PTPRN: variants seen among roughly 807,000 people sequenced by gnomAD.
PTPRN encodes receptor-type tyrosine-protein phosphatase-like N.
A neutral mutation model predicts 108.5 loss-of-function variants in PTPRN; 70 were observed. The observed-to-expected ratio is 0.65, with a 90% CI of 0.53 to 0.79. The LOEUF is 0.79. Among genes scored for constraint, PTPRN ranks in the 30% least tolerant of loss-of-function variants. The pLI, the probability that PTPRN is intolerant of heterozygous loss-of-function variation, is 0.00. For synonymous variants in PTPRN, 496 were observed against 524.6 expected, an observed-to-expected ratio of 0.95 and a Z score of 0.75; for missense variants, 1,136 against 1,295.5, an observed-to-expected ratio of 0.88 and a Z score of 1.89.
At position 219,290,329 on chromosome 2, in the gene PTPRN, A is replaced by G. The variant is rs779363801; in HGVS notation, c.2869-32T>C. On this transcript the variant is annotated intron_variant, in intron 22 of 22. Transcript: ENST00000295718. The surrounding 1 kb of genome is among the most constrained non-coding windows in gnomAD (Gnocchi z 4.2). ...AAGGGCAGTGGTAGGATGGTCATGG[A>G]GAGGGCTGACCTGTGCTCTGCCCTC... The G allele has an allele frequency of 6.3e-7, 1 of 1,593,160 alleles. No homozygotes were observed. Among genetic ancestry groups the G allele is most frequent in the Non-Finnish European group, 8.6e-7 (1 of 1,164,586 alleles).
chr2:219,289,941 A>C lies in PTPRN; in HGVS notation c.*285T>G, dbSNP rs1952015658. ...GAGCTACAGGAGAGCCAGGCCAGGG[A>C]ATGTAGGCAGGAGAAGGCTCTGGGT... On this transcript the variant is annotated 3_prime_UTR_variant, in exon 23 of 23. Transcript: ENST00000295718. 1 of 422,098 alleles carries C rather than the reference A, an allele frequency of 2.4e-6. No individual in the cohort carries two copies. Among genetic ancestry groups the C allele is most frequent in the Non-Finnish European group, 4.4e-6 (1 of 228,822 alleles). 26.1% of individuals were successfully genotyped at this position (422,098 alleles called of 1,614,324 possible).
rs949248524 is a variant in PTPRN, at chr2:219,290,026, T to C, written c.*200A>G. ...GCTGCAGCACCCCCATGGGATGCCC[T>C]GGGCTCTGGGATGCCCCAGGCTCTG... On this transcript the variant is annotated 3_prime_UTR_variant, in exon 23 of 23. Transcript: ENST00000295718. The surrounding 1 kb of genome is among the most constrained non-coding windows in gnomAD (Gnocchi z 4.2). 25 of 600,594 alleles carry C rather than the reference T, an allele frequency of 4.2e-5. No homozygotes were observed. Among genetic ancestry groups the C allele is most frequent in the African/African-American group, 9.3e-5 (5 of 53,746 alleles). The allele number at this position is 600,594 out of a possible 1,614,324, so 37.2% of individuals were successfully genotyped here.
rs1424323560 is a variant in PTPRN at position 219,301,643 on chromosome 2, G to A, written c.1071C>T (p.Leu357=). ...VELRQLTPEQ[L]STLLTLLQLL... is the part of the protein sequence containing the mutation. ...GCTGCAGCAGGGTCAGGAGTGTGGA[G>A]AGCTGCTCAGGGGTCAGCTGACGCA... The change falls in exon 7 of 23, where the codon CTC becomes CTT. Residue 357 remains leucine (L), a synonymous_variant. Coordinates refer to ENST00000295718, the MANE Select transcript of PTPRN (RefSeq NM_002846.4). The A allele has an allele frequency of 3.1e-6, 5 of 1,613,608 alleles. No homozygotes were observed. Among genetic ancestry groups the A allele is most frequent in the Non-Finnish European group, 4.2e-6 (5 of 1,179,542 alleles).
chr2:219,295,264 T>G (rs950745014), intron 18 of PTPRN, 123 bp from the exon 19 acceptor site: 2 of 1,091,504 alleles, frequency 1.8e-6, no homozygotes, highest in African/African-American at 3.3e-5. Flanking sequence ...CGGTTCAAAT[T>G]CTAAGTTCCA....
chr2:219,299,500 C>G, intron 10 of PTPRN, 116 bp from the exon 11 acceptor site: 1 of 1,287,872 alleles, frequency 7.8e-7, no homozygotes, highest in Non-Finnish European at 1.1e-6. Context: ...ATCGGGGATG[C>G]CCTACAGGGG....
intron 8 of PTPRN, among the ~76,000 whole-genome samples, chr2:219,300,677 C>T (rs1952323974): frequency 6.6e-6 from 1 of 152,186 alleles, no homozygotes. Context: ...CGAAACTTCC[C>T]TCCTCCCCTA....
At position 219,296,722 on chromosome 2, in the gene PTPRN, G is replaced by T. The variant is rs1186697698; in HGVS notation, c.2310+27C>A. Reference sequence around the variant, plus strand: ...GGGCCAGGATAATGATGGGGCAGAGGTGGGGGCTGGAGTCAGGGCCACTCA... The same window carrying T: ...GGGCCAGGATAATGATGGGGCAGAGTTGGGGGCTGGAGTCAGGGCCACTCA... On this transcript the variant is annotated intron_variant, in intron 16 of 22. Coordinates refer to ENST00000295718, the MANE Select transcript of PTPRN (RefSeq NM_002846.4). This position sits in a 1 kb window ranked among gnomAD's most constrained non-coding sequence, Gnocchi z 6.0. The T allele has an allele frequency of 1.9e-6, 3 of 1,612,294 alleles. No homozygotes were observed. The highest frequency in any genetic ancestry group is 2.5e-6 in the Non-Finnish European group (3 of 1,179,092).
intron 3 of PTPRN, among the ~76,000 whole-genome samples, chr2:219,304,580 T>C (rs1952436578): frequency 6.6e-6 from 1 of 152,214 alleles, no homozygotes; most frequent in African/African-American, 2.4e-5. Context: ...TCTCTAGTTC[T>C]GGATTTAAAA....
chr2:219,306,781 T>A (rs1490767533), intron 3 of PTPRN, among the ~76,000 whole-genome samples: 1 of 152,192 alleles, frequency 6.6e-6, no homozygotes, highest in Non-Finnish European at 1.5e-5. Context: ...TTCCCCTAGA[T>A]AATCTTCTGA....
intron 18 of PTPRN, chr2:219,295,690 C>T (rs1952175097): frequency 6.5e-6 from 1 of 154,988 alleles, no homozygotes. Context: ...CCCTCCTTCT[C>T]CACCCCTCCA....
Position 219,294,865 on chromosome 2 carries a change from T to C in PTPRN, c.2675+110A>G, listed in dbSNP as rs527661807. The C allele has an allele frequency of 3.4e-6, 4 of 1,162,092 alleles. No homozygotes were observed. In the South Asian group the frequency reaches 7.8e-5, roughly 23 times the overall value. The allele number at this position is 1,162,092 out of a possible 1,614,324, so 72.0% of individuals were successfully genotyped here. On this transcript the variant is annotated intron_variant, in intron 19 of 22. Coordinates refer to ENST00000295718, the MANE Select transcript of PTPRN (RefSeq NM_002846.4). ...GGGGTCTGGAGCGGGCGGCCAGAAG[T>C]CAGAGGCCGAGGCTCCAGGCCCGAC... is the stretch of plus-strand genomic sequence containing the variant.
chr2:219,303,792 G>A lies in PTPRN; in HGVS notation c.320C>T (p.Ser107Phe). 6.2e-7 allele frequency: 1 copy of A among 1,614,066 alleles called. No individual in the cohort carries two copies. Among genetic ancestry groups the A allele is most frequent in the East Asian group, 2.2e-5 (1 of 44,890 alleles). The change falls in exon 4 of 23, where the codon TCT becomes TTT. Residue 107 changes from serine to phenylalanine, a missense_variant. Physicochemically the swap from Ser to Phe is radical, Grantham distance 155. Coordinates refer to ENST00000295718, the MANE Select transcript of PTPRN (RefSeq NM_002846.4). ...WHDDLTQYVI[S>F]QEMERIPRLR... ...CCTGGGGATGCGCTCCATCTCCTGA[G>A]AGATCACATACTGGGTGAGGTCATC... is the stretch of plus-strand genomic sequence containing the variant.
chr2:219,296,637 G>T lies in PTPRN; in HGVS notation c.2310+112C>A. Reference sequence around the variant, plus strand: ...CAGTTCCCCCTTGCTAGGATATCAGGCCCCACCACTCCAGGGGGTTGGTGG... The same window carrying T: ...CAGTTCCCCCTTGCTAGGATATCAGTCCCCACCACTCCAGGGGGTTGGTGG... On this transcript the variant is annotated intron_variant, in intron 16 of 22. Transcript: ENST00000295718. The surrounding 1 kb of genome is among the most constrained non-coding windows in gnomAD (Gnocchi z 6.0). 1 of 1,549,968 alleles carries T rather than the reference G, an allele frequency of 6.5e-7. No homozygotes were observed. The highest frequency in any genetic ancestry group is 1.4e-5 in the African/African-American group (1 of 73,498).
intron 8 of PTPRN, 92 bp from the exon 9 acceptor site, chr2:219,300,351 CT>C: frequency 7.4e-7 from 1 of 1,353,146 alleles, no homozygotes; most frequent in Non-Finnish European, 9.9e-7. Flanking sequence ...AGCTCAGGAC[CT>C]GCTTTTCACT....
At chr2:219,295,297 C>A in intron 18 of PTPRN, 156 bp from the exon 19 acceptor site, 1 of 726,112 alleles carries the variant, frequency 1.4e-6, no homozygotes, top group South Asian at 1.9e-5. Flanking sequence ...ACCCTGGCTG[C>A]CTGTCACTTA....
Position 219,296,105 on chromosome 2 carries a change from G to A in PTPRN, c.2508+121C>T. 1 of 1,377,564 alleles carries A rather than the reference G, an allele frequency of 7.3e-7. No homozygotes were observed. Among genetic ancestry groups the A allele is most frequent in the Non-Finnish European group, 1.0e-6 (1 of 989,794 alleles). 85.3% of individuals were successfully genotyped at this position (1,377,564 alleles called of 1,614,324 possible). On this transcript the variant is annotated intron_variant, in intron 18 of 22. Transcript: ENST00000295718. The surrounding 1 kb of genome is among the most constrained non-coding windows in gnomAD (Gnocchi z 6.0). The stretch of plus-strand genomic sequence containing the variant: ...TCATATATGTATGAATCATGAGCAG[G>A]GCCAATAAAAGCCTTTTTAAAAAGA...
chr2:219,302,621 T>C lies in PTPRN; in HGVS notation c.594A>G (p.Ser198=), dbSNP rs1200957686. The change falls in exon 5 of 23, where the codon TCA becomes TCG. Residue 198 remains serine, a synonymous_variant. Coordinates refer to ENST00000295718, the MANE Select transcript of PTPRN (RefSeq NM_002846.4). ...LLLPPQPPHP[S]LSYEPALLQP... is the part of the protein sequence containing the mutation. ...GCAGCAAGGCAGGTTCGTAACTCAGTGAAGGGTGGGGAGGCTGTGGGGGCA... is the reference window on the plus strand; with the variant it reads ...GCAGCAAGGCAGGTTCGTAACTCAGCGAAGGGTGGGGAGGCTGTGGGGGCA... 5 of 1,613,364 alleles carry C rather than the reference T, an allele frequency of 3.1e-6. No individual in the cohort carries two copies. The highest frequency in any genetic ancestry group is 4.2e-6 in the Non-Finnish European group (5 of 1,179,814).
intron 19 of PTPRN, among the ~76,000 whole-genome samples, chr2:219,294,494 G>GACGGAGAGGGATGAAGGAGGT: frequency 7.6e-6 from 1 of 131,918 alleles, no homozygotes; most frequent in African/African-American, 3.3e-5. Context: ...GAGGCGAAGA[G>GACGGAGAGGGATGAAGGAGGT]ACGGAGAGGG....
Position 219,306,373 on chromosome 2 carries a change from G to A in PTPRN, c.280+1071C>T, listed in dbSNP as rs1250057041. Among the ~76,000 whole-genome samples, 3 of 152,124 alleles carry A rather than the reference G, an allele frequency of 2.0e-5. No individual in the cohort carries two copies. The South Asian group carries it at 6.2e-4, about 32-fold the overall frequency. Reference sequence around the variant, plus strand: ...GTTTTTGTTTGTTTGTTTTAGTAAAGTGAAAGCAGTTTATTAGAGAAGTGA... The same window carrying A: ...GTTTTTGTTTGTTTGTTTTAGTAAAATGAAAGCAGTTTATTAGAGAAGTGA... On this transcript the variant is annotated intron_variant, in intron 3 of 22. Coordinates refer to ENST00000295718, the MANE Select transcript of PTPRN (RefSeq NM_002846.4).
Sources: allele counts gnomAD v4.1 joint callset (sites outside exome capture counted in the v4.1 genomes callset), GRCh38; gene constraint gnomAD v4.1.1; non-coding constraint Gnocchi (gnomAD v3.1); transcripts MANE v1.5; gene names NCBI Gene and HGNC (gene_info 2026-07-23, HGNC 2026-07-21).